The following DLC1 variants were observed in gnomAD, a reference collection of about 807,000 sequenced individuals.
DLC1 encodes the protein DLC1 Rho GTPase activating protein, also known as rho GTPase-activating protein 7.
DLC1 carries 54 observed loss-of-function variants against 140.3 expected under a neutral mutation model. The ratio of observed to expected loss-of-function variants is 0.38; its 90% CI spans 0.31 to 0.48. The LOEUF (loss-of-function observed/expected upper bound fraction) is 0.48, where lower values mean the gene tolerates loss of function less well. Among genes scored for constraint, DLC1 ranks in the 20% least tolerant of loss-of-function variants. The pLI is 0.96. For synonymous variants in DLC1, 986 were observed against 728.1 expected, an observed-to-expected ratio of 1.35 and a Z score of -5.70; for missense variants, 2,536 against 1,907.0, an observed-to-expected ratio of 1.33 and a Z score of -6.14.
chr8:13,212,708 T>G (rs942324662), intron 5 of DLC1, among the ~76,000 whole-genome samples: 6 of 152,162 alleles, frequency 3.9e-5, no homozygotes, highest in Non-Finnish European at 4.4e-5. Flanking sequence ...CTTTCTCGAG[T>G]GGCTTTCTTA....
chr8:13,306,579 TGTGTGA>T (rs1278272426), intron 4 of DLC1, among the ~76,000 whole-genome samples: 1 of 149,730 alleles, frequency 6.7e-6, no homozygotes, highest in African/African-American at 2.5e-5. Flanking sequence ...TGTGTGTGTG[TGTGTGA>T]GAGAGAGAGA....
intron 4 of DLC1, among the ~76,000 whole-genome samples, chr8:13,385,423 G>C (rs753953709): frequency 1.3e-5 from 2 of 152,060 alleles, no homozygotes; most frequent in Non-Finnish European, 2.9e-5. Flanking sequence ...CTAGAGAAAC[G>C]CTAAAACCCA....
chr8:13,419,650 C>T (rs1017606910), intron 2 of DLC1, among the ~76,000 whole-genome samples: 13 of 152,110 alleles, frequency 8.5e-5, no homozygotes, highest in Non-Finnish European at 1.9e-4. Context: ...TCAGTGTTCA[C>T]CAAGGACATT....
chr8:13,592,010 G>A (rs760212446), intron 1 of DLC1, among the ~76,000 whole-genome samples: 1 of 151,994 alleles, frequency 6.6e-6, no homozygotes, highest in Non-Finnish European at 1.5e-5. Context: ...AATCAGATAT[G>A]GATTCACTGA....
At chr8:13,360,584 C>T (rs893531350) in intron 4 of DLC1, among the ~76,000 whole-genome samples, 5 of 152,142 alleles carry the variant, frequency 3.3e-5, no homozygotes, top group South Asian at 2.1e-4. Flanking sequence ...ATAAATTCTC[C>T]AGTTAATCCT....
intron 2 of DLC1, among the ~76,000 whole-genome samples, chr8:13,414,043 C>T: frequency 6.6e-6 from 1 of 152,038 alleles, no homozygotes; most frequent in East Asian, 1.9e-4. Flanking sequence ...AAAACAAAAA[C>T]ACAAAAAAAT....
At chr8:13,261,059 G>A (rs1233543026) in intron 5 of DLC1, among the ~76,000 whole-genome samples, 5 of 152,206 alleles carry the variant, frequency 3.3e-5, no homozygotes, top group South Asian at 4.1e-4. Flanking sequence ...TAAGCACTAG[G>A]AATATGAAGA....
At chr8:13,262,509 A>G (rs1222975227) in intron 5 of DLC1, among the ~76,000 whole-genome samples, 1 of 152,166 alleles carries the variant, frequency 6.6e-6, no homozygotes, top group Non-Finnish European at 1.5e-5. Flanking sequence ...TCTCAAATTC[A>G]CCAATATTGC....
intron 1 of DLC1, chr8:13,558,093 A>G (rs1804115206): frequency 6.6e-6 from 1 of 152,210 alleles, no homozygotes; most frequent in Non-Finnish European, 1.5e-5. Context: ...AGGTTGTTTC[A>G]GTAGCTATGA....
At chr8:13,431,482 CAAAAAAAAAAAAAAAAAAAA>C (rs56057254) in intron 2 of DLC1, among the ~76,000 whole-genome samples, 1 of 40,596 alleles carries the variant, frequency 2.5e-5, no homozygotes, top group Non-Finnish European at 3.9e-5. Flanking sequence ...GACTCCGTCT[CAAAAAAAAAAAAAAAAAAAA>C]AAAAAAAAAA....
At chr8:13,422,626 C>G (rs1339052704) in intron 2 of DLC1, among the ~76,000 whole-genome samples, 1 of 152,020 alleles carries the variant, frequency 6.6e-6, no homozygotes, top group Non-Finnish European at 1.5e-5. Context: ...AAATTTGTCA[C>G]TTCTTTCATT....
At position 13,095,139 on chromosome 8, in the gene DLC1, G is replaced by A. The variant is rs1158034008; in HGVS notation, c.3274C>T (p.Pro1092Ser). The change falls in exon 11 of 18, where the codon CCT becomes TCT. Residue 1092 changes from proline (P) to serine (S), a missense_variant. By Grantham distance (74) the Pro-to-Ser change is moderately conservative. Transcript: ENST00000276297. ...VNVQRTGQPL[P>S]QSIQQAMRYL... Reference sequence around the variant, plus strand: ...CGCATGGCCTGCTGGATGCTCTGAGGCAACGGTTGTCCTGTGCGCTGCACG... The same window carrying A: ...CGCATGGCCTGCTGGATGCTCTGAGACAACGGTTGTCCTGTGCGCTGCACG... 6.2e-7 allele frequency: 1 copy of A among 1,614,262 alleles called. No individual in the cohort carries two copies. The highest frequency in any genetic ancestry group is 8.5e-7 in the Non-Finnish European group (1 of 1,180,058).
chr8:13,110,791 T>C lies in DLC1; in HGVS notation c.1453A>G (p.Lys485Glu), dbSNP rs781008100. The C allele has an allele frequency of 5.0e-6, 8 of 1,614,014 alleles. No homozygotes were observed. In the South Asian group the frequency reaches 5.5e-5, roughly 11 times the overall value. The change falls in exon 7 of 18, where the codon AAG becomes GAG. Residue 485 changes from lysine (K) to glutamate (E), a missense_variant. Lys to Glu is a moderately conservative substitution (Grantham distance 56). Coordinates refer to ENST00000276297, the MANE Select transcript of DLC1 (RefSeq NM_182643.3). ...CTGTCCAAAAAATCATGCTCTCTCTTGACCAAGGAAATATCGATGGGGAAC... is the reference window on the plus strand; with the variant it reads ...CTGTCCAAAAAATCATGCTCTCTCTCGACCAAGGAAATATCGATGGGGAAC... ...FLFPIDISLV[K>E]REHDFLDRDA...
intron 1 of DLC1, chr8:13,567,097 A>T: frequency 6.4e-7 from 1 of 1,551,780 alleles, no homozygotes; most frequent in Non-Finnish European, 8.7e-7. Context: ...ACAGACTTCC[A>T]GCTCATTCAG....
intron 4 of DLC1, among the ~76,000 whole-genome samples, chr8:13,338,284 T>G (rs1833889861): frequency 6.6e-6 from 1 of 152,124 alleles, no homozygotes; most frequent in African/African-American, 2.4e-5. Flanking sequence ...TAAAAATAAA[T>G]TAGAGTCACA....
At chr8:13,575,688 C>T (rs868287847) in intron 1 of DLC1, among the ~76,000 whole-genome samples, 1 of 152,168 alleles carries the variant, frequency 6.6e-6, no homozygotes, top group African/African-American at 2.4e-5. Flanking sequence ...ATTTTAGCTT[C>T]AGTGTACCAT....
chr8:13,396,066 T>G (rs1161945062), intron 3 of DLC1, among the ~76,000 whole-genome samples: 1 of 148,138 alleles, frequency 6.8e-6, no homozygotes, highest in Non-Finnish European at 1.5e-5. Flanking sequence ...TTCTTTCTTT[T>G]TTTTTTTTTT....
chr8:13,519,939 G>A (rs1190169892), intron 1 of DLC1, among the ~76,000 whole-genome samples: 1 of 152,214 alleles, frequency 6.6e-6, no homozygotes, highest in Non-Finnish European at 1.5e-5. Context: ...TTTCATGCCA[G>A]TTAGAATGGC....
chr8:13,601,401 T>G (rs1040362662), intron 1 of DLC1, among the ~76,000 whole-genome samples: 1 of 151,806 alleles, frequency 6.6e-6, no homozygotes, highest in African/African-American at 2.4e-5. Context: ...TAATAGAACT[T>G]CTAAAGAAAT....
Sources: gnomAD v4.1 joint callset for allele counts (sites outside exome capture counted in the v4.1 genomes callset) on GRCh38, gnomAD v4.1.1 for gene constraint, MANE v1.5 for transcripts, NCBI Gene and HGNC (gene_info 2026-07-23, HGNC 2026-07-21) for gene names.